Variants in DEDD observed in about 807,000 individuals in gnomAD.
DEDD encodes the protein death effector domain containing, also known as death effector domain-containing protein.
In DEDD, 3 loss-of-function variants were observed where a neutral mutation model predicts 29.2. The ratio of observed to expected loss-of-function variants is 0.10; its 90% CI spans 0.05 to 0.27. The LOEUF (loss-of-function observed/expected upper bound fraction) is 0.27. Ranked by LOEUF, DEDD falls within the 10% of genes least tolerant of loss-of-function variation. The pLI is 1.00. For missense variants in DEDD, 261 were observed against 420.5 expected (o/e 0.62, Z 3.32); for synonymous variants, 152 against 161.3 (o/e 0.94, Z 0.44).
At chr1:161,124,798 A>G (rs1271479823) in intron 2 of DEDD, 1 of 209,724 alleles carries the variant, frequency 4.8e-6, no homozygotes, top group Non-Finnish European at 9.5e-6. Context: ...CCGTTTCTAC[A>G]AAAAAAGAAA....
At chr1:161,128,014 G>A (rs1391085236) in intron 2 of DEDD, among the ~76,000 whole-genome samples, 1 of 152,200 alleles carries the variant, frequency 6.6e-6, no homozygotes, top group Non-Finnish European at 1.5e-5. Flanking sequence ...GGAAAGCACT[G>A]TGGTCCTAAT....
At position 161,124,489 on chromosome 1, in the gene DEDD, T is replaced by C. The variant is rs1571225602; in HGVS notation, c.-27A>G. The C allele has an allele frequency of 2.5e-6, 4 of 1,578,684 alleles. No individual in the cohort carries two copies. On this transcript the variant is annotated 5_prime_UTR_variant, in exon 3 of 6. Transcript: ENST00000368006. The stretch of plus-strand genomic sequence containing the variant: ...CTGGGGGCTCAGGTACGCAATGCTT[T>C]CCAGAATCCCTGCTCAGCAGCTGCA...
Position 161,123,072 on chromosome 1 carries a change from C to T in DEDD, c.580+3G>A. On this transcript the variant is annotated splice_donor_region_variant and intron_variant, in intron 5 of 5. Transcript: ENST00000368006. The stretch of plus-strand genomic sequence containing the variant: ...CATCTCTGGAACCCTTGAACTTCCT[C>T]ACCACATGTCTGCTTCTCCTTGGGA... The T allele has an allele frequency of 6.2e-7, 1 of 1,614,216 alleles. No homozygotes were observed. The highest frequency in any genetic ancestry group is 8.5e-7 in the Non-Finnish European group (1 of 1,180,034).
intron 2 of DEDD, among the ~76,000 whole-genome samples, chr1:161,128,838 G>A (rs1656394512): frequency 1.3e-5 from 2 of 151,994 alleles, no homozygotes; most frequent in African/African-American, 2.4e-5. Flanking sequence ...GGACATACAT[G>A]TTCATTTAAC....
At chr1:161,126,094 C>T (rs138105971) in intron 2 of DEDD, among the ~76,000 whole-genome samples, 1 of 152,298 alleles carries the variant, frequency 6.6e-6, no homozygotes, top group East Asian at 1.9e-4. Flanking sequence ...CCTGTTAATG[C>T]TACTTCTAGA....
Position 161,121,322 on chromosome 1 carries a change from G to A in DEDD, c.*825C>T. On this transcript the variant is annotated 3_prime_UTR_variant, in exon 6 of 6. Coordinates refer to ENST00000368006, the MANE Select transcript of DEDD (RefSeq NM_032998.3). Reference sequence around the variant, plus strand: ...GCCCAAGCCAGAAGAAAGCAAAGGGGAAAAGGGCTGCAGGGTACATTATTT... The same window carrying A: ...GCCCAAGCCAGAAGAAAGCAAAGGGAAAAAGGGCTGCAGGGTACATTATTT... 1 of 260,390 alleles carries A rather than the reference G, an allele frequency of 3.8e-6. No individual in the cohort carries two copies. The highest frequency in any genetic ancestry group is 6.0e-6 in the Non-Finnish European group (1 of 166,192). 16.1% of individuals were successfully genotyped at this position (260,390 alleles called of 1,614,324 possible).
rs1329681034 is a variant in DEDD, at chr1:161,124,447, G to A, written c.16C>T (p.Arg6Trp). 3.1e-6 allele frequency: 5 copies of A among 1,602,676 alleles called. No homozygotes were observed. Among genetic ancestry groups the A allele is most frequent in the South Asian group, 1.1e-5 (1 of 90,724 alleles). The change falls in exon 3 of 6, where the codon CGG (arginine) becomes TGG (tryptophan). Residue 6 changes from arginine (R) to tryptophan (W), a missense_variant. Arg to Trp is a moderately radical substitution (Grantham distance 101, BLOSUM62 -3). Around this residue, in one of 2 missense-constraint regions of DEDD, gnomAD observed 203 missense variants for 268.7 expected, o/e 0.76. Transcript: ENST00000368006. ...TCTGGCCACACCTGGCTTGCCCGCCGCTTTAGGCCCGCCATGCTGGGGGCT... is the reference window on the plus strand; with the variant it reads ...TCTGGCCACACCTGGCTTGCCCGCCACTTTAGGCCCGCCATGCTGGGGGCT... MAGLK[R>W]RASQVWPEEH...
At chr1:161,125,285 C>T (rs1211473364) in intron 2 of DEDD, 1 of 152,102 alleles carries the variant, frequency 6.6e-6, no homozygotes. Context: ...GGTTGTGAAA[C>T]ATTTCAAAGA....
At chr1:161,127,738 A>T (rs978599196) in intron 2 of DEDD, among the ~76,000 whole-genome samples, 2 of 152,226 alleles carry the variant, frequency 1.3e-5, no homozygotes, top group African/African-American at 4.8e-5. Context: ...AAGGAAAATA[A>T]GTTATTGCTC....
chr1:161,122,123 C>T lies in DEDD; in HGVS notation c.*24G>A, dbSNP rs887692194. ...CCAGAGGTGGGTGATGGGAACAGTC[C>T]CCAAAGTGAGAAGAGGGAATAGGTC... On this transcript the variant is annotated 3_prime_UTR_variant, in exon 6 of 6. Coordinates refer to ENST00000368006, the MANE Select transcript of DEDD (RefSeq NM_032998.3). The surrounding 1 kb of genome is among the most constrained non-coding windows in gnomAD (Gnocchi z 4.2). The T allele has an allele frequency of 6.2e-7, 1 of 1,609,654 alleles. No homozygotes were observed. Among genetic ancestry groups the T allele is most frequent in the African/African-American group, 1.3e-5 (1 of 74,742 alleles).
rs759977685 is a variant in DEDD at position 161,123,902 on chromosome 1, G to A, written c.370C>T (p.Arg124Cys). The A allele has an allele frequency of 2.5e-6, 4 of 1,613,970 alleles. No homozygotes were observed. The highest frequency in any genetic ancestry group is 2.7e-5 in the African/African-American group (2 of 74,880). ...VDKYLEETSI[R>C]YVTPRALSDP... The stretch of plus-strand genomic sequence containing the variant: ...CTGAGGGCTCTGGGGGTCACATAGC[G>A]AATTGATGTCTCCTCCAGATACTTG... Residue 124 changes from arginine (R) to cysteine (C), a missense_variant, in exon 4 of 6, where the codon CGC (arginine) becomes TGC (cysteine). Physicochemically the swap from Arg to Cys is radical, Grantham distance 180. Coordinates refer to ENST00000368006, the MANE Select transcript of DEDD (RefSeq NM_032998.3).
rs1348047740 is a variant in DEDD at position 161,123,214 on chromosome 1, G to A, written c.441C>T (p.Pro147=). 6.2e-7 allele frequency: 1 copy of A among 1,613,214 alleles called. No homozygotes were observed. Among genetic ancestry groups the A allele is most frequent in the Non-Finnish European group, 8.5e-7 (1 of 1,179,184 alleles). ...TGGGGCAACACACCACAGGATAGTG[G>A]GGAGGCACTGACCAGAAAGTAAAAG... ...RPPQPSKTVP[P]HYPVVCCPTS... The change falls in exon 5 of 6, where the codon CCC becomes CCT. Residue 147 remains proline, a synonymous_variant. Coordinates refer to ENST00000368006, the MANE Select transcript of DEDD (RefSeq NM_032998.3).
intron 2 of DEDD, among the ~76,000 whole-genome samples, chr1:161,129,005 T>C (rs762026666): frequency 6.6e-6 from 1 of 152,184 alleles, no homozygotes; most frequent in Non-Finnish European, 1.5e-5. Flanking sequence ...TCTGGAGTTC[T>C]ATGGGGATAT....
chr1:161,127,834 G>A (rs1656321131), intron 2 of DEDD, among the ~76,000 whole-genome samples: 6 of 152,180 alleles, frequency 3.9e-5, no homozygotes, highest in Admixed American at 3.9e-4. Flanking sequence ...CCTTGGGCCA[G>A]CTGTTGATTG....
intron 2 of DEDD, among the ~76,000 whole-genome samples, chr1:161,129,821 C>T (rs905464097): frequency 6.6e-6 from 1 of 152,216 alleles, no homozygotes; most frequent in Non-Finnish European, 1.5e-5. Context: ...GTCCTGATCC[C>T]ACTGACTGGT....
intron 2 of DEDD, among the ~76,000 whole-genome samples, chr1:161,125,943 C>T (rs1656123643): frequency 6.6e-6 from 1 of 152,182 alleles, no homozygotes; most frequent in South Asian, 2.1e-4. Context: ...ACAGGTAATA[C>T]CAATGACGCA....
At position 161,122,041 on chromosome 1, in the gene DEDD, AGGC is replaced by A; in HGVS notation, c.*103_*105del. On this transcript the variant is annotated 3_prime_UTR_variant, in exon 6 of 6. Transcript: ENST00000368006. This position sits in a 1 kb window ranked among gnomAD's most constrained non-coding sequence, Gnocchi z 4.2. ...TTTTTCTTTAAAAAAAAAAAAAAAA[AGGC>A]AGGGGTGTGATTGGTTGGAAGGGTA... 1 of 1,313,606 alleles carries A rather than the reference AGGC, an allele frequency of 7.6e-7. No homozygotes were observed. Among genetic ancestry groups the A allele is most frequent in the Non-Finnish European group, 1.0e-6 (1 of 974,204 alleles). 81.4% of individuals were successfully genotyped at this position (1,313,606 alleles called of 1,614,324 possible).
At chr1:161,124,551 T>C (rs1424817549) in intron 2 of DEDD, 25 bp from the exon 3 acceptor site, 17 of 1,519,404 alleles carry the variant, frequency 1.1e-5, no homozygotes, top group African/African-American at 8.3e-5. Context: ...AAAGAACCGA[T>C]GAGACACTCA....
At chr1:161,131,557 C>G (rs759831743) in intron 1 of DEDD, among the ~76,000 whole-genome samples, 23 of 152,188 alleles carry the variant, frequency 1.5e-4, no homozygotes, top group Non-Finnish European at 2.9e-4. Flanking sequence ...TCTGCTCCCC[C>G]ACTCTTGTAT....
Sources: allele counts gnomAD v4.1 joint callset (sites outside exome capture counted in the v4.1 genomes callset), GRCh38; gene constraint gnomAD v4.1.1; regional missense constraint gnomAD v4.1.1; non-coding constraint Gnocchi (gnomAD v3.1); transcripts MANE v1.5; gene names NCBI Gene and HGNC (gene_info 2026-07-23, HGNC 2026-07-21).